Variants in CSMD1 observed in about 807,000 individuals in gnomAD.
CSMD1 encodes the protein CUB and Sushi multiple domains 1.
In CSMD1, 213 loss-of-function variants were observed where a neutral mutation model predicts 417.5. The observed-to-expected ratio is 0.51, with a 90% confidence interval of 0.46 to 0.57. CSMD1 has a LOEUF of 0.57. Among genes scored for constraint, CSMD1 ranks in the 20% least tolerant of loss-of-function variants. CSMD1 has a pLI of 0.00. For missense variants in CSMD1, 6,923 were observed against 4,529.7 expected (o/e 1.53, Z -15.17); for synonymous variants, 2,862 against 1,736.8 (o/e 1.65, Z -16.11).
chr8:3,940,903 T>C (rs1360578443), intron 5 of CSMD1, among the ~76,000 whole-genome samples: 2 of 151,510 alleles, frequency 1.3e-5, no homozygotes, highest in African/African-American at 2.4e-5. Flanking sequence ...CCCGAGATTA[T>C]GTCTACATTT....
chr8:4,535,609 G>A (rs965365356), intron 2 of CSMD1, among the ~76,000 whole-genome samples: 2 of 152,110 alleles, frequency 1.3e-5, no homozygotes, highest in African/African-American at 4.8e-5. Context: ...TCTGTTCTGT[G>A]AAATTATAAT....
intron 2 of CSMD1, among the ~76,000 whole-genome samples, chr8:4,459,898 G>C (rs1425022584): frequency 6.6e-6 from 1 of 152,100 alleles, no homozygotes; most frequent in Admixed American, 6.6e-5. Flanking sequence ...TGACAAAATT[G>C]CATGCCAAAT....
In CSMD1 at chr8:4,257,736, C is replaced by T. The variant is rs191931082; in HGVS notation, c.415+162217G>A. On this transcript the variant is annotated intron_variant, in intron 3 of 69. Coordinates refer to ENST00000635120, the MANE Select transcript of CSMD1 (RefSeq NM_033225.6). ...TGGGTACCAAATACCTCTCTGCTTC[C>T]GCTTTCCCGTTTGTTAGGCCAAGGA... is the stretch of plus-strand genomic sequence containing the variant. Among the ~76,000 whole-genome samples, 264 of 152,278 alleles carry T rather than the reference C, an allele frequency of 1.7e-3. 1 individual carries two copies. The highest frequency in any genetic ancestry group is 2.0e-3 in the Non-Finnish European group (134 of 68,022).
At chr8:4,867,042 T>C (rs1327776450) in intron 1 of CSMD1, among the ~76,000 whole-genome samples, 4 of 152,078 alleles carry the variant, frequency 2.6e-5, no homozygotes, top group Non-Finnish European at 5.9e-5. Flanking sequence ...TTTTGTTTTT[T>C]GCTCAAATTA....
At chr8:3,940,793 T>A (rs1810827075) in intron 5 of CSMD1, among the ~76,000 whole-genome samples, 1 of 151,946 alleles carries the variant, frequency 6.6e-6, no homozygotes, top group South Asian at 2.1e-4. Context: ...ATTAAAATAT[T>A]ATTAAGACTA....
rs1269144910 is a variant in CSMD1, at chr8:2,936,018, C to G, written c.*2567G>C. The G allele has an allele frequency of 6.6e-6, 1 of 152,214 alleles. No homozygotes were observed. The highest frequency in any genetic ancestry group is 1.9e-4 in the East Asian group (1 of 5,182). 9.4% of individuals were successfully genotyped at this position (152,214 alleles called of 1,614,324 possible). A position where few individuals can be genotyped will look rare whatever the true frequency, so the allele number is the denominator to read the frequency against. On this transcript the variant is annotated 3_prime_UTR_variant, in exon 70 of 70. Coordinates refer to ENST00000635120, the MANE Select transcript of CSMD1 (RefSeq NM_033225.6). Reference sequence around the variant, plus strand: ...CTAACTCAGCAAGCACAGCTCCTGACTGCCCTAAAATGAGATCCTCCAACA... The same window carrying G: ...CTAACTCAGCAAGCACAGCTCCTGAGTGCCCTAAAATGAGATCCTCCAACA...
chr8:4,455,083 G>C (rs529671414), intron 2 of CSMD1, among the ~76,000 whole-genome samples: 7 of 152,094 alleles, frequency 4.6e-5, no homozygotes, highest in East Asian at 3.9e-4. Flanking sequence ...TGCTATACAG[G>C]AATTTTTTCT....
At chr8:4,013,447 A>G (rs1266913906) in intron 4 of CSMD1, among the ~76,000 whole-genome samples, 1 of 152,090 alleles carries the variant, frequency 6.6e-6, no homozygotes, top group Non-Finnish European at 1.5e-5. Context: ...TTCTACTATC[A>G]GGGGGGTTTC....
At chr8:4,361,844 A>C (rs959044280) in intron 3 of CSMD1, among the ~76,000 whole-genome samples, 2 of 152,126 alleles carry the variant, frequency 1.3e-5, no homozygotes, top group East Asian at 3.9e-4. Flanking sequence ...ACTCCCAGCT[A>C]TTTGGGAGGC....
At chr8:4,164,640 G>A (rs367860289) in intron 3 of CSMD1, among the ~76,000 whole-genome samples, 1 of 152,066 alleles carries the variant, frequency 6.6e-6, no homozygotes, top group South Asian at 2.1e-4. Flanking sequence ...CTGTGATTGA[G>A]TCCCTCACAC....
At chr8:4,398,250 G>T (rs1045665963) in intron 3 of CSMD1, among the ~76,000 whole-genome samples, 2 of 152,158 alleles carry the variant, frequency 1.3e-5, no homozygotes, top group Non-Finnish European at 2.9e-5. Context: ...GGAGGCTGTT[G>T]TAATATTGTG....
intron 46 of CSMD1, among the ~76,000 whole-genome samples, chr8:3,105,721 G>C (rs893653569): frequency 1.5e-4 from 23 of 152,306 alleles, no homozygotes; most frequent in African/African-American, 5.3e-4. Context: ...TTAAACACCA[G>C]CTAATTATAT....
At chr8:4,167,790 G>T (rs1197677063) in intron 3 of CSMD1, among the ~76,000 whole-genome samples, 1 of 152,084 alleles carries the variant, frequency 6.6e-6, no homozygotes, top group African/African-American at 2.4e-5. Context: ...AGGAGTTTGA[G>T]ACTAGCCTGG....
chr8:4,987,886 C>G (rs559577504), intron 1 of CSMD1, among the ~76,000 whole-genome samples: 2 of 152,312 alleles, frequency 1.3e-5, no homozygotes, highest in African/African-American at 4.8e-5. Context: ...ACCTATTGGA[C>G]TCTTGGACTT....
chr8:3,751,949 T>C (rs73496902), intron 6 of CSMD1, among the ~76,000 whole-genome samples: 122 of 152,302 alleles, frequency 8.0e-4, no homozygotes, highest in African/African-American at 2.9e-3. Context: ...GCCTTGTAAA[T>C]ATTGACTTAT....
intron 3 of CSMD1, among the ~76,000 whole-genome samples, chr8:4,161,180 C>G (rs1007968426): frequency 6.6e-6 from 1 of 151,930 alleles, no homozygotes; most frequent in Admixed American, 6.6e-5. Flanking sequence ...GAAGTACTTG[C>G]AATGTGCTAC....
chr8:3,967,599 T>G (rs1441399509), intron 5 of CSMD1, among the ~76,000 whole-genome samples: 1 of 152,076 alleles, frequency 6.6e-6, no homozygotes, highest in Non-Finnish European at 1.5e-5. Context: ...GTCAGACGGT[T>G]CACAACTGAT....
intron 2 of CSMD1, among the ~76,000 whole-genome samples, chr8:4,546,510 T>C (rs79050916): frequency 0.018 from 2,783 of 152,182 alleles, 90 homozygotes; most frequent in African/African-American, 0.063. Flanking sequence ...AACGGTGAAT[T>C]TTCTCTTTTC....
At chr8:4,040,801 G>C (rs142262382) in intron 3 of CSMD1, among the ~76,000 whole-genome samples, 6 of 152,252 alleles carry the variant, frequency 3.9e-5, no homozygotes, top group Admixed American at 1.3e-4. Context: ...ATTTTCAAAA[G>C]ATTTTTAATA....
Sources: allele counts gnomAD v4.1 joint callset (sites outside exome capture counted in the v4.1 genomes callset), GRCh38; gene constraint gnomAD v4.1.1; transcripts MANE v1.5; gene names NCBI Gene and HGNC (gene_info 2026-07-23, HGNC 2026-07-21).